SLC4A4: variants seen among roughly 807,000 people sequenced by gnomAD.
SLC4A4 encodes solute carrier family 4 member 4, also known as electrogenic sodium bicarbonate cotransporter 1.
A neutral mutation model predicts 111.5 loss-of-function variants in SLC4A4; 27 were observed. The ratio of observed to expected loss-of-function variants is 0.24; its 90% confidence interval spans 0.18 to 0.33. The LOEUF (loss-of-function observed/expected upper bound fraction) is 0.33, where lower values mean the gene tolerates loss of function less well. SLC4A4 is among the 10% of genes least tolerant of loss of function. SLC4A4 has a pLI of 1.00. For synonymous variants in SLC4A4, 443 were observed against 463.4 expected (o/e 0.96, Z 0.57); for missense variants, 909 against 1,315.5 (o/e 0.69, Z 4.78).
chr4:71,491,244 C>G (rs959367517), intron 15 of SLC4A4, among the ~76,000 whole-genome samples: 1 of 151,836 alleles, frequency 6.6e-6, no homozygotes, highest in African/African-American at 2.4e-5. Context: ...GGAAAAAACT[C>G]TAAATAAGTA....
At chr4:71,319,082 C>G (rs1726921925) in intron 3 of SLC4A4, among the ~76,000 whole-genome samples, 1 of 151,846 alleles carries the variant, frequency 6.6e-6, no homozygotes, top group Non-Finnish European at 1.5e-5. Context: ...AGTCAGATTA[C>G]TACTTAAAGA....
chr4:71,150,351 C>T (rs1015420753), intron 2 of SLC4A4, among the ~76,000 whole-genome samples: 2 of 152,020 alleles, frequency 1.3e-5, no homozygotes, highest in Admixed American at 6.6e-5. Context: ...GAAACAGATG[C>T]CCTTCTCATA....
intron 14 of SLC4A4, among the ~76,000 whole-genome samples, chr4:71,473,833 G>C (rs1728102275): frequency 6.6e-6 from 1 of 151,826 alleles, no homozygotes; most frequent in Admixed American, 6.6e-5. Flanking sequence ...AATTGTTTTA[G>C]ATCTTCTCTC....
intron 7 of SLC4A4, chr4:71,437,416 G>A (rs1577900935): frequency 3.3e-6 from 1 of 300,322 alleles, no homozygotes; most frequent in East Asian, 8.9e-5. Context: ...GGTAATACTG[G>A]AAATAATTAA....
chr4:71,293,316 C>A (rs979766505), intron 3 of SLC4A4, among the ~76,000 whole-genome samples: 55 of 151,660 alleles, frequency 3.6e-4, no homozygotes, highest in African/African-American at 1.3e-3. Flanking sequence ...GTAATCCCAG[C>A]ACTTTGGGAA....
intron 1 of SLC4A4, chr4:71,236,108 TGC>T: frequency 9.8e-7 from 1 of 1,016,482 alleles, no homozygotes; most frequent in Non-Finnish European, 1.2e-6. Context: ...TGGGTGGGTG[TGC>T]ATGTGTGTGT....
intron 4 of SLC4A4, among the ~76,000 whole-genome samples, chr4:71,341,071 T>C (rs548513755): frequency 6.6e-6 from 1 of 152,298 alleles, no homozygotes; most frequent in South Asian, 2.1e-4. Context: ...CTGATTCCAA[T>C]GTATTTCACT....
At chr4:71,392,491 C>G (rs990704593) in intron 6 of SLC4A4, among the ~76,000 whole-genome samples, 3 of 152,020 alleles carry the variant, frequency 2.0e-5, no homozygotes, top group African/African-American at 7.2e-5. Context: ...GGTTCTCAAT[C>G]TTCAGCATGA....
intron 2 of SLC4A4, among the ~76,000 whole-genome samples, chr4:71,248,155 C>G (rs899536702): frequency 6.6e-6 from 1 of 152,052 alleles, no homozygotes; most frequent in East Asian, 1.9e-4. Flanking sequence ...TTGCCCTCCT[C>G]TAGGTGAATG....
At position 71,567,031 on chromosome 4, in the gene SLC4A4, G is replaced by A. The variant is rs1243900867; in HGVS notation, c.3224G>A (p.Arg1075His). The A allele has an allele frequency of 2.1e-5, 33 of 1,609,708 alleles. No individual in the cohort carries two copies. The highest frequency in any genetic ancestry group is 5.5e-5 in the South Asian group (5 of 90,792). ...GAAAGATCACCAACATTCCTTGAACGCCACACATCATGCTGATAAAATTCC... is the reference window on the plus strand; with the variant it reads ...GAAAGATCACCAACATTCCTTGAACACCACACATCATGCTGATAAAATTCC... ...DRERSPTFLE[R>H]HTSC The change falls in exon 25 of 26, where the codon CGC becomes CAC. Residue 1075 changes from arginine (R) to histidine (H), a missense_variant. This residue lies in a region of SLC4A4 where 85 missense variants were observed against 79.8 expected (regional missense o/e 1.07). Coordinates refer to ENST00000264485, the MANE Select transcript of SLC4A4 (RefSeq NM_001098484.3).
intron 14 of SLC4A4, among the ~76,000 whole-genome samples, chr4:71,484,315 T>G (rs768016072): frequency 1.1e-4 from 16 of 151,928 alleles, no homozygotes; most frequent in Non-Finnish European, 2.1e-4. Flanking sequence ...GGGTTTTGCA[T>G]TTAAGTATTT....
At chr4:71,127,372 G>A (rs977651985) in intron 2 of SLC4A4, among the ~76,000 whole-genome samples, 9 of 152,196 alleles carry the variant, frequency 5.9e-5, no homozygotes, top group Non-Finnish European at 8.8e-5. Context: ...GGCATTTGGT[G>A]CTGAATAAAG....
At chr4:71,288,646 C>A (rs1975707) in intron 3 of SLC4A4, among the ~76,000 whole-genome samples, 3 of 152,022 alleles carry the variant, frequency 2.0e-5, no homozygotes, top group African/African-American at 7.2e-5. Flanking sequence ...TGATCCACCC[C>A]CCTTGGCCTC....
chr4:71,107,260 T>C (rs1742957338), intron 2 of SLC4A4, among the ~76,000 whole-genome samples: 1 of 152,152 alleles, frequency 6.6e-6, no homozygotes, highest in Non-Finnish European at 1.5e-5. Context: ...ACTTATGCCA[T>C]TTTGCTACTT....
intron 20 of SLC4A4, among the ~76,000 whole-genome samples, chr4:71,550,066 C>G (rs1735851851): frequency 6.6e-6 from 1 of 151,920 alleles, no homozygotes; most frequent in Non-Finnish European, 1.5e-5. Flanking sequence ...CTATTTCCAC[C>G]TGGCAATTTT....
At chr4:71,558,778 AG>A (rs1290441838) in intron 22 of SLC4A4, among the ~76,000 whole-genome samples, 1 of 151,886 alleles carries the variant, frequency 6.6e-6, no homozygotes, top group Non-Finnish European at 1.5e-5. Context: ...CAAGGATGCA[AG>A]AAAAAATGGA....
At chr4:71,511,050 AT>A (rs1731868781) in intron 16 of SLC4A4, among the ~76,000 whole-genome samples, 1 of 152,104 alleles carries the variant, frequency 6.6e-6, no homozygotes, top group Non-Finnish European at 1.5e-5. Flanking sequence ...TACAATGTAT[AT>A]CTTTTAATGT....
At chr4:71,108,172 A>G (rs1366131216) in intron 2 of SLC4A4, among the ~76,000 whole-genome samples, 1 of 152,242 alleles carries the variant, frequency 6.6e-6, no homozygotes, top group Non-Finnish European at 1.5e-5. Flanking sequence ...TAAATTATGT[A>G]GAAAACAAAA....
At position 71,568,015 on chromosome 4, in the gene SLC4A4, G is replaced by A. The variant is rs934799765; in HGVS notation, c.*264G>A. 22 of 646,172 alleles carry A rather than the reference G, an allele frequency of 3.4e-5. No individual in the cohort carries two copies. Among genetic ancestry groups the A allele is most frequent in the African/African-American group, 1.3e-4 (7 of 53,058 alleles). The allele number at this position is 646,172 out of a possible 1,614,324, so 40.0% of individuals were successfully genotyped here. A position where few individuals can be genotyped will look rare whatever the true frequency, so the allele number is the denominator to read the frequency against. On this transcript the variant is annotated 3_prime_UTR_variant, in exon 26 of 26. Transcript: ENST00000264485. The stretch of plus-strand genomic sequence containing the variant: ...TTGGTCACAGGCCAAATAATACAGC[G>A]CTCTCTCTGCTTCTCTCTTGCATAG...
Sources: gnomAD v4.1 joint callset for allele counts (sites outside exome capture counted in the v4.1 genomes callset) on GRCh38, gnomAD v4.1.1 for gene constraint, gnomAD v4.1.1 regional missense constraint, MANE v1.5 for transcripts, NCBI Gene and HGNC (gene_info 2026-07-23, HGNC 2026-07-21) for gene names.